URM1: variants seen among roughly 807,000 people sequenced by gnomAD.
URM1 encodes the protein ubiquitin related modifier 1, also known as ubiquitin-related modifier 1.
URM1 carries 11 observed loss-of-function variants against 17.7 expected under a neutral mutation model. The ratio of observed to expected loss-of-function variants is 0.62; its 90% CI spans 0.39 to 1.03. URM1 has a LOEUF of 1.03. URM1 is among the 50% of genes least tolerant of loss of function. URM1 has a pLI of 0.00. For synonymous variants in URM1, 48 were observed against 50.6 expected (o/e 0.95, Z 0.22); for missense variants, 128 against 129.2 (o/e 0.99, Z 0.04).
chr9:128,384,564 A>G (rs1833202650), intron 2 of URM1, among the ~76,000 whole-genome samples: 1 of 152,178 alleles, frequency 6.6e-6, no homozygotes, highest in Non-Finnish European at 1.5e-5. Flanking sequence ...CTATCTGATT[A>G]ATGGTTGGCT....
intron 4 of URM1, 123 bp from the exon 5 acceptor site, chr9:128,389,543 A>G: frequency 6.5e-7 from 1 of 1,549,342 alleles, no homozygotes; most frequent in Non-Finnish European, 8.7e-7. Context: ...TAGGATACCC[A>G]TTTTTCTGGT....
At position 128,389,300 on chromosome 9, in the gene URM1, G is replaced by A; in HGVS notation, c.228G>A (p.Trp76Ter). Residue 76 changes from tryptophan (W) to a stop codon, truncating the protein, a stop_gained, in exon 4 of 5, where the codon TGG becomes TGA. Coordinates refer to ENST00000372853, the MANE Select transcript of URM1 (RefSeq NM_030914.4). LOFTEE classifies it high-confidence loss of function. ...GILVLINDAD[W>*]ELLGELDYQL... is the part of the protein sequence containing the mutation. ...TGGTGCTGATTAACGATGCCGACTG[G>A]GAGCTACTGGTCAGTACCTTGGGGG... 1 of 1,611,430 alleles carries A rather than the reference G, an allele frequency of 6.2e-7. No homozygotes were observed. The highest frequency in any genetic ancestry group is 8.5e-7 in the Non-Finnish European group (1 of 1,178,764).
chr9:128,389,190 C>T (rs1833269264), intron 3 of URM1, 71 bp from the exon 4 acceptor site: 2 of 1,529,548 alleles, frequency 1.3e-6, no homozygotes, highest in Middle Eastern at 2.1e-4. Flanking sequence ...CCAAAGCTCT[C>T]AGCCTCTCTT....
Position 128,387,145 on chromosome 9 carries a change from GC to G in URM1, c.107-670del, listed in dbSNP as rs1031983055. Among the ~76,000 whole-genome samples, 1 of 152,232 alleles carries G rather than the reference GC, an allele frequency of 6.6e-6. No individual in the cohort carries two copies. The highest frequency in any genetic ancestry group is 1.5e-5 in the Non-Finnish European group (1 of 68,042). On this transcript the variant is annotated intron_variant, in intron 2 of 4. Coordinates refer to ENST00000372853, the MANE Select transcript of URM1 (RefSeq NM_030914.4). The surrounding 1 kb of genome is among the most constrained non-coding windows in gnomAD (Gnocchi z 4.3). ...CACAAGGAGGCAGATCTCAGTGTTA[GC>G]TGAGCTGGAGAGGCCCTGTCACCCG... is the stretch of plus-strand genomic sequence containing the variant.
rs1349214492 is a variant in URM1, at chr9:128,390,398, A to G, written c.*664A>G. 1.3e-5 allele frequency: 2 copies of G among 151,890 alleles called. No individual in the cohort carries two copies. Among genetic ancestry groups the G allele is most frequent in the Non-Finnish European group, 2.9e-5 (2 of 68,220 alleles). 9.4% of individuals were successfully genotyped at this position (151,890 alleles called of 1,614,324 possible). On this transcript the variant is annotated 3_prime_UTR_variant, in exon 5 of 5. Transcript: ENST00000372853. ...ACAGGCCACCAGATGGGCTCCTGAG[A>G]CCCTCCCCAGGCTGCTTACAGCTCA... is the stretch of plus-strand genomic sequence containing the variant.
intron 2 of URM1, among the ~76,000 whole-genome samples, chr9:128,380,052 A>G (rs1017773910): frequency 6.6e-6 from 1 of 152,160 alleles, no homozygotes; most frequent in Non-Finnish European, 1.5e-5. Context: ...GATCGAGACT[A>G]CAGTGAGCTA....
At chr9:128,386,364 A>G (rs1788645739) in intron 2 of URM1, among the ~76,000 whole-genome samples, 1 of 152,204 alleles carries the variant, frequency 6.6e-6, no homozygotes, top group Non-Finnish European at 1.5e-5. Context: ...AGTGAGCTGC[A>G]GCTAGTTGGA....
At chr9:128,388,350 T>C (rs1386084534) in intron 3 of URM1, 1 of 996,900 alleles carries the variant, frequency 1.0e-6, no homozygotes, top group Non-Finnish European at 1.2e-6. Flanking sequence ...CAAGGAGTCA[T>C]TGACTCTGTG....
intron 2 of URM1, among the ~76,000 whole-genome samples, chr9:128,382,477 G>A (rs774890700): frequency 9.2e-5 from 14 of 152,192 alleles, no homozygotes; most frequent in Admixed American, 2.0e-4. Context: ...AATAATAGCA[G>A]CCGTAAGATT....
chr9:128,388,565 A>G (rs941430121), intron 3 of URM1: 2 of 985,976 alleles, frequency 2.0e-6, no homozygotes, highest in African/African-American at 3.5e-5. Context: ...GTCCTAAGGG[A>G]TCAGGCCTAG....
At chr9:128,383,578 G>A (rs750530602) in intron 2 of URM1, among the ~76,000 whole-genome samples, 4 of 152,176 alleles carry the variant, frequency 2.6e-5, no homozygotes, top group African/African-American at 9.7e-5. Flanking sequence ...CATGGTCCCC[G>A]TGGACCATTC....
At chr9:128,388,161 G>A in intron 3 of URM1, 1 of 1,256,180 alleles carries the variant, frequency 8.0e-7, no homozygotes. Flanking sequence ...CTTGCTGTGG[G>A]ACCTTAGGCG....
At chr9:128,378,167 G>T in intron 2 of URM1, 61 bp downstream of exon 2, 1 of 1,247,094 alleles carries the variant, frequency 8.0e-7, no homozygotes, top group South Asian at 1.3e-5. Flanking sequence ...GGTCCATGGG[G>T]AACACTCAGC....
chr9:128,387,198 G>T lies in URM1; in HGVS notation c.107-618G>T, dbSNP rs1185074572. 6.6e-6 allele frequency among the ~76,000 whole-genome samples: 1 copy of T among 152,236 alleles called. No individual in the cohort carries two copies. The highest frequency in any genetic ancestry group is 1.5e-5 in the Non-Finnish European group (1 of 68,044). ...ACCTCTGGCCACCGCTGGCGCGGAG[G>T]GCTCTGGAAGCACAGGGTGGTGGCA... On this transcript the variant is annotated intron_variant, in intron 2 of 4. Transcript: ENST00000372853. The surrounding 1 kb of genome is among the most constrained non-coding windows in gnomAD (Gnocchi z 4.3).
chr9:128,376,089 A>G (rs1833072738), intron 1 of URM1, among the ~76,000 whole-genome samples: 1 of 151,968 alleles, frequency 6.6e-6, no homozygotes, highest in South Asian at 2.1e-4. Flanking sequence ...AATTAGAGAC[A>G]GAGCCAGGCA....
In URM1 at chr9:128,379,841, A is replaced by C. The variant is rs543332895; in HGVS notation, c.106+1735A>C. On this transcript the variant is annotated intron_variant, in intron 2 of 4. Transcript: ENST00000372853. ...AAATAAAATAAAATAAACCAGGCAC[A>C]GTGGCTCATGCCTGTAATCCTAACA... Among the ~76,000 whole-genome samples, 130 of 151,780 alleles carry C rather than the reference A, an allele frequency of 8.6e-4. 1 individual carries two copies. The highest frequency in any genetic ancestry group is 3.5e-3 in the South Asian group (17 of 4,808).
At chr9:128,379,661 G>A (rs544595096) in intron 2 of URM1, among the ~76,000 whole-genome samples, 11 of 152,074 alleles carry the variant, frequency 7.2e-5, no homozygotes, top group South Asian at 6.2e-4. Flanking sequence ...TTAGCTGGGC[G>A]TGGTGGCATG....
chr9:128,387,801 T>C lies in URM1; in HGVS notation c.107-15T>C. On this transcript the variant is annotated splice_polypyrimidine_tract_variant and intron_variant, in intron 2 of 4. Transcript: ENST00000372853. The surrounding 1 kb of genome is among the most constrained non-coding windows in gnomAD (Gnocchi z 4.3). The stretch of plus-strand genomic sequence containing the variant: ...TTGGGTTTGACAAGAGTTTGTTCTG[T>C]GCATTCCTTTCCAGGGGACATCCGG... 6.2e-7 allele frequency: 1 copy of C among 1,614,142 alleles called. No homozygotes were observed. The highest frequency in any genetic ancestry group is 1.7e-4 in the Middle Eastern group (1 of 6,058).
intron 3 of URM1, chr9:128,388,785 A>G (rs1833263336): frequency 7.1e-6 from 7 of 988,150 alleles, no homozygotes; most frequent in Admixed American, 6.0e-5. Context: ...CCTTCTCTCC[A>G]GGATGGGCAT....
Sources: allele counts gnomAD v4.1 joint callset (sites outside exome capture counted in the v4.1 genomes callset), GRCh38; gene constraint gnomAD v4.1.1; non-coding constraint Gnocchi (gnomAD v3.1); transcripts MANE v1.5; gene names NCBI Gene and HGNC (gene_info 2026-07-23, HGNC 2026-07-21).